Variants in ASCC3 observed in about 807,000 individuals in gnomAD.
The protein encoded by ASCC3 is ASC-1 complex subunit P200.
A neutral mutation model predicts 256.3 loss-of-function variants in ASCC3; 158 were observed. The observed-to-expected ratio is 0.62, with a 90% CI of 0.54 to 0.70. The LOEUF is 0.70. Among genes scored for constraint, ASCC3 ranks in the 30% least tolerant of loss-of-function variants. The pLI is 0.00. For synonymous variants in ASCC3, 948 were observed against 883.4 expected, an observed-to-expected ratio of 1.07 and a Z score of -1.30; for missense variants, 2,259 against 2,626.0, an observed-to-expected ratio of 0.86 and a Z score of 3.05.
At chr6:100,717,174 T>C (rs1779124678) in intron 12 of ASCC3, among the ~76,000 whole-genome samples, 1 of 151,976 alleles carries the variant, frequency 6.6e-6, no homozygotes, top group Non-Finnish European at 1.5e-5. Flanking sequence ...TTACAGGACA[T>C]TAACTGTTGT....
At chr6:100,612,087 TG>T (rs1174716312) in intron 30 of ASCC3, among the ~76,000 whole-genome samples, 1 of 151,960 alleles carries the variant, frequency 6.6e-6, no homozygotes, top group Non-Finnish European at 1.5e-5. Flanking sequence ...TTCTTAAGGT[TG>T]GGGGGAGGAG....
At chr6:100,788,791 T>C (rs1165350280) in intron 8 of ASCC3, among the ~76,000 whole-genome samples, 3 of 152,026 alleles carry the variant, frequency 2.0e-5, no homozygotes, top group African/African-American at 4.8e-5. Context: ...GATACTTATA[T>C]GACATTTTGG....
Position 100,644,074 on chromosome 6 carries a change from T to G in ASCC3, c.3689A>C (p.Asp1230Ala). The G allele has an allele frequency of 1.2e-6, 2 of 1,612,938 alleles. No homozygotes were observed. The highest frequency in any genetic ancestry group is 1.7e-6 in the Non-Finnish European group (2 of 1,179,362). The change falls in exon 23 of 42, where the codon GAT (aspartate) becomes GCT (alanine). Residue 1230 changes from aspartate to alanine, a missense_variant. Asp to Ala is a moderately radical substitution (Grantham distance 126, BLOSUM62 -2). Transcript: ENST00000369162. Reference sequence around the variant, plus strand: ...AAAATACTCTGAATGATAAATATGATCATTTGTAGGATCTTCTACCCAAAT... The same window carrying G: ...AAAATACTCTGAATGATAAATATGAGCATTTGTAGGATCTTCTACCCAAAT... ...WWIWVEDPTN[D>A]HIYHSEYFLA...
chr6:100,532,335 C>CGCGCGTGT, intron 37 of ASCC3, among the ~76,000 whole-genome samples: 1 of 99,800 alleles, frequency 1.0e-5, no homozygotes. Context: ...TGCTATCTTG[C>CGCGCGTGT]GTGTGTGTGT....
intron 13 of ASCC3, among the ~76,000 whole-genome samples, chr6:100,704,550 AATG>A (rs1296303852): frequency 6.6e-6 from 1 of 152,172 alleles, no homozygotes; most frequent in East Asian, 1.9e-4. Context: ...ACTAAGAAAT[AATG>A]ATTAGAAATA....
chr6:100,727,430 C>T (rs1052380882), intron 10 of ASCC3, among the ~76,000 whole-genome samples: 1 of 151,682 alleles, frequency 6.6e-6, no homozygotes, highest in East Asian at 1.9e-4. Context: ...ATAAAGCCTC[C>T]GAGAGGAATG....
chr6:100,660,368 G>T (rs983555586), intron 16 of ASCC3, among the ~76,000 whole-genome samples: 9 of 151,494 alleles, frequency 5.9e-5, no homozygotes, highest in Non-Finnish European at 1.2e-4. Flanking sequence ...TATACAGCAG[G>T]TCCTCAGTTC....
chr6:100,805,422 T>C (rs1770128851), intron 5 of ASCC3, among the ~76,000 whole-genome samples: 1 of 152,060 alleles, frequency 6.6e-6, no homozygotes, highest in South Asian at 2.1e-4. Flanking sequence ...TGTTCATCAC[T>C]TGGGTGACAG....
Position 100,551,287 on chromosome 6 carries a change from G to C in ASCC3, c.5551-10900C>G, listed in dbSNP as rs575089035. The stretch of plus-strand genomic sequence containing the variant: ...CTTTTATGAAGCTCTGCAGTCTAGC[G>C]GGGGAGCCAGACCTTAATCAAAGAT... On this transcript the variant is annotated intron_variant, in intron 36 of 41. Transcript: ENST00000369162. 5.3e-4 allele frequency among the ~76,000 whole-genome samples: 80 copies of C among 151,966 alleles called. 1 individual carries two copies. Among genetic ancestry groups the C allele is most frequent in the South Asian group, 4.4e-3 (21 of 4,826 alleles).
At chr6:100,634,946 C>T (rs1774766879) in intron 25 of ASCC3, among the ~76,000 whole-genome samples, 1 of 151,294 alleles carries the variant, frequency 6.6e-6, no homozygotes, top group South Asian at 2.1e-4. Context: ...GTAACTGTTA[C>T]TGTACATGAT....
At chr6:100,701,627 T>G (rs1778358834) in intron 13 of ASCC3, among the ~76,000 whole-genome samples, 1 of 152,190 alleles carries the variant, frequency 6.6e-6, no homozygotes, top group Admixed American at 6.5e-5. Flanking sequence ...CAGCCCTTGT[T>G]GTAATAGGAA....
intron 32 of ASCC3, 42 bp downstream of exon 32, chr6:100,606,698 A>T: frequency 6.4e-7 from 1 of 1,561,542 alleles, no homozygotes; most frequent in Non-Finnish European, 8.6e-7. Context: ...TACTCAGGGT[A>T]AAATAGAGCT....
At chr6:100,772,502 G>GT (rs1163356805) in intron 8 of ASCC3, among the ~76,000 whole-genome samples, 2 of 152,286 alleles carry the variant, frequency 1.3e-5, no homozygotes, top group East Asian at 3.9e-4. Flanking sequence ...ATTGAGACAT[G>GT]TAACAACATA....
At chr6:100,536,199 T>G (rs1775153768) in intron 37 of ASCC3, among the ~76,000 whole-genome samples, 1 of 152,156 alleles carries the variant, frequency 6.6e-6, no homozygotes, top group African/African-American at 2.4e-5. Flanking sequence ...ATTGAGGAGC[T>G]AAATAAATAT....
In ASCC3 at chr6:100,582,370, T is replaced by C. The variant is rs559618903; in HGVS notation, c.5550+7264A>G. The stretch of plus-strand genomic sequence containing the variant: ...GCAATTGTGAATGGGACTTCACTCA[T>C]GATTTGGCTCTCTGTTTGTCTGTTA... On this transcript the variant is annotated intron_variant, in intron 36 of 41. Coordinates refer to ENST00000369162, the MANE Select transcript of ASCC3 (RefSeq NM_006828.4). 3.9e-5 allele frequency among the ~76,000 whole-genome samples: 6 copies of C among 151,904 alleles called. No homozygotes were observed. In the East Asian group the frequency reaches 9.6e-4, roughly 24 times the overall value.
intron 36 of ASCC3, among the ~76,000 whole-genome samples, chr6:100,568,992 G>A (rs768953364): frequency 3.3e-5 from 5 of 152,000 alleles, no homozygotes; most frequent in Non-Finnish European, 7.4e-5. Context: ...CATTAGCCAG[G>A]ATGGTCTTGA....
intron 10 of ASCC3, among the ~76,000 whole-genome samples, chr6:100,754,118 A>C (rs531121828): frequency 6.6e-6 from 1 of 152,324 alleles, no homozygotes; most frequent in East Asian, 1.9e-4. Context: ...TTTGCAGGCT[A>C]CTACTAACAA....
chr6:100,728,410 A>G (rs1779738352), intron 10 of ASCC3, among the ~76,000 whole-genome samples: 1 of 151,990 alleles, frequency 6.6e-6, no homozygotes, highest in African/African-American at 2.4e-5. Flanking sequence ...AAACTTATAC[A>G]ATCACTTTGA....
intron 10 of ASCC3, among the ~76,000 whole-genome samples, chr6:100,763,937 A>G (rs7768156): frequency 0.021 from 3,103 of 151,188 alleles, 103 homozygotes; most frequent in African/African-American, 0.073. Context: ...AGTCTGCAGG[A>G]CAGACTAGGC....
Sources: allele counts gnomAD v4.1 joint callset (sites outside exome capture counted in the v4.1 genomes callset), GRCh38; gene constraint gnomAD v4.1.1; transcripts MANE v1.5; gene names NCBI Gene and HGNC (gene_info 2026-07-23, HGNC 2026-07-21).